Variants in RECK observed in about 807,000 individuals in gnomAD.
RECK encodes reversion-inducing cysteine-rich protein with Kazal motifs.
RECK carries 69 observed loss-of-function variants against 115.1 expected under a neutral mutation model. That is an observed-to-expected ratio of 0.60 (90% confidence interval 0.49 to 0.73). RECK has a LOEUF of 0.73. RECK is among the 30% of genes least tolerant of loss of function. The pLI is 0.00. For missense variants in RECK, 1,047 were observed against 1,203.7 expected (o/e 0.87, Z 1.93); for synonymous variants, 414 against 419.7 (o/e 0.99, Z 0.17).
At chr9:36,042,828 C>T (rs1288700431) in intron 1 of RECK, among the ~76,000 whole-genome samples, 1 of 152,100 alleles carries the variant, frequency 6.6e-6, no homozygotes, top group Admixed American at 6.5e-5. Flanking sequence ...ACCACATCCA[C>T]TCCCACATCT....
In RECK at chr9:36,121,649, C is replaced by T; in HGVS notation, c.2655C>T (p.Ile885=). ...TCAGCATTGAATCAGAAATTGTGATCCTGATCATTCCCGTCGATCACTATC... is the reference window on the plus strand; with the variant it reads ...TCAGCATTGAATCAGAAATTGTGATTCTGATCATTCCCGTCGATCACTATC... The part of the protein sequence containing the change: ...GYFSIESEIV[I]LIIPVDHYPK... The change falls in exon 20 of 21, where the codon ATC becomes ATT. Residue 885 remains isoleucine (I), a synonymous_variant. Coordinates refer to ENST00000377966, the MANE Select transcript of RECK (RefSeq NM_021111.3). The T allele has an allele frequency of 6.2e-7, 1 of 1,614,168 alleles. No homozygotes were observed. Among genetic ancestry groups the T allele is most frequent in the Middle Eastern group, 1.6e-4 (1 of 6,062 alleles).
At chr9:36,042,113 A>G (rs1467511534) in intron 1 of RECK, among the ~76,000 whole-genome samples, 1 of 151,212 alleles carries the variant, frequency 6.6e-6, no homozygotes. Context: ...ATTTGGTTAC[A>G]TGAATAAGTT....
rs1260696717 is a variant in RECK, at chr9:36,087,899, C to T, written c.843C>T (p.Pro281=). 6.2e-7 allele frequency: 1 copy of T among 1,613,138 alleles called. No individual in the cohort carries two copies. Among genetic ancestry groups the T allele is most frequent in the Non-Finnish European group, 8.5e-7 (1 of 1,179,256 alleles). ...CTGGAGTCACTGTACACCCTCCTCC[C>T]TCTACAGGCCTCGATGGGGCTAAAT... ...VHPGVTVHPP[P]STGLDGAKLH... Residue 281 remains proline (P), a synonymous_variant, in exon 9 of 21, where the codon CCC becomes CCT. Coordinates refer to ENST00000377966, the MANE Select transcript of RECK (RefSeq NM_021111.3).
intron 1 of RECK, among the ~76,000 whole-genome samples, chr9:36,043,597 T>C (rs912100173): frequency 5.9e-5 from 9 of 152,214 alleles, no homozygotes; most frequent in Non-Finnish European, 7.3e-5. Context: ...CTTTGCCTAA[T>C]TCAATGTCTA....
At chr9:36,092,004 G>C (rs1372827682) in intron 10 of RECK, among the ~76,000 whole-genome samples, 1 of 152,196 alleles carries the variant, frequency 6.6e-6, no homozygotes, top group Non-Finnish European at 1.5e-5. Context: ...AAAGGGAAGA[G>C]AATCATTCAA....
chr9:36,045,743 TA>T (rs1821050238), intron 1 of RECK, among the ~76,000 whole-genome samples: 1 of 152,096 alleles, frequency 6.6e-6, no homozygotes, highest in Non-Finnish European at 1.5e-5. Context: ...TTAGGGTGTG[TA>T]TTTGTTTTTT....
chr9:36,101,953 C>T (rs1823579759), intron 11 of RECK, 141 bp from the exon 12 acceptor site: 7 of 760,104 alleles, frequency 9.2e-6, no homozygotes, highest in African/African-American at 1.8e-5. Flanking sequence ...AACCTGAGCT[C>T]TCCTGTGACT....
At chr9:36,040,827 A>T (rs1820840688) in intron 1 of RECK, among the ~76,000 whole-genome samples, 1 of 151,980 alleles carries the variant, frequency 6.6e-6, no homozygotes, top group African/African-American at 2.4e-5. Context: ...TTTTTTAATC[A>T]TGAGCAATTT....
At chr9:36,070,451 G>C (rs1822182472) in intron 6 of RECK, among the ~76,000 whole-genome samples, 2 of 151,648 alleles carry the variant, frequency 1.3e-5, no homozygotes, top group South Asian at 4.2e-4. Context: ...TAGAGAGCTG[G>C]GTTTTGAAAG....
At chr9:36,110,609 C>G (rs891208398) in intron 15 of RECK, among the ~76,000 whole-genome samples, 1 of 152,190 alleles carries the variant, frequency 6.6e-6, no homozygotes, top group African/African-American at 2.4e-5. Context: ...GCTTTCCTCT[C>G]GTGAAGCTAT....
intron 12 of RECK, among the ~76,000 whole-genome samples, 197 bp from the exon 13 acceptor site, chr9:36,104,946 A>G (rs1225807234): frequency 6.6e-6 from 1 of 152,222 alleles, no homozygotes; most frequent in Non-Finnish European, 1.5e-5. Context: ...AATTTAAAAA[A>G]AGAATGAATG....
chr9:36,110,578 A>G (rs1824002078), intron 15 of RECK, among the ~76,000 whole-genome samples: 1 of 152,222 alleles, frequency 6.6e-6, no homozygotes, highest in African/African-American at 2.4e-5. Flanking sequence ...TAAATAAGTG[A>G]AAAGGCTAGT....
intron 9 of RECK, among the ~76,000 whole-genome samples, chr9:36,090,354 A>G (rs1823114034): frequency 6.6e-6 from 1 of 152,184 alleles, no homozygotes; most frequent in South Asian, 2.1e-4. Flanking sequence ...TAGACACTCA[A>G]TAAACATTGG....
At chr9:36,111,463 G>A (rs770537948) in intron 15 of RECK, among the ~76,000 whole-genome samples, 4 of 152,032 alleles carry the variant, frequency 2.6e-5, no homozygotes, top group Admixed American at 6.6e-5. Context: ...GCGTGATCTC[G>A]GCTCACCACA....
At chr9:36,044,402 T>TA in intron 1 of RECK, among the ~76,000 whole-genome samples, 1 of 152,198 alleles carries the variant, frequency 6.6e-6, no homozygotes, top group Non-Finnish European at 1.5e-5. Context: ...TTTCTAGGTA[T>TA]ACGATCATAT....
chr9:36,105,414 G>T (rs1012324865), intron 13 of RECK, 131 bp downstream of exon 13: 5 of 790,750 alleles, frequency 6.3e-6, no homozygotes, highest in African/African-American at 3.5e-5. Context: ...AGATTATGAG[G>T]GACTTCATGT....
intron 1 of RECK, among the ~76,000 whole-genome samples, chr9:36,050,059 T>C (rs922109068): frequency 2.0e-5 from 3 of 152,200 alleles, no homozygotes; most frequent in African/African-American, 7.2e-5. Context: ...AATGCATTGC[T>C]CAGTTCTCAG....
intron 14 of RECK, among the ~76,000 whole-genome samples, chr9:36,109,562 G>T (rs1305997835): frequency 6.6e-6 from 1 of 152,234 alleles, no homozygotes; most frequent in Non-Finnish European, 1.5e-5. Flanking sequence ...AAGAATTTCT[G>T]GCTGGGCACA....
chr9:36,060,110 C>G lies in RECK; in HGVS notation c.235-9C>G. ...CTACATAAAAGCCTTTTGTTGGGTA[C>G]ACTTTTAGGTTGAAATTTGGAATTG... On this transcript the variant is annotated splice_polypyrimidine_tract_variant and intron_variant, in intron 3 of 20. Transcript: ENST00000377966. The G allele has an allele frequency of 6.2e-7, 1 of 1,613,066 alleles. No homozygotes were observed. Among genetic ancestry groups the G allele is most frequent in the Non-Finnish European group, 8.5e-7 (1 of 1,179,352 alleles).
Sources: allele counts gnomAD v4.1 joint callset (sites outside exome capture counted in the v4.1 genomes callset), GRCh38; gene constraint gnomAD v4.1.1; transcripts MANE v1.5; gene names NCBI Gene and HGNC (gene_info 2026-07-23, HGNC 2026-07-21).